Variants in GOLPH3 observed in about 807,000 individuals in gnomAD.
The protein encoded by GOLPH3 is coat protein GPP34.
Under a neutral mutation model 28.5 loss-of-function variants are expected in GOLPH3, and 14 were observed. That is an observed-to-expected ratio of 0.49 (90% CI 0.32 to 0.77). The LOEUF is 0.77. GOLPH3 is among the 30% of genes least tolerant of loss of function. The pLI, the probability that GOLPH3 is intolerant of heterozygous loss-of-function variation, is 0.03. For missense variants in GOLPH3, 350 were observed against 393.7 expected, an observed-to-expected ratio of 0.89 and a Z score of 0.94; for synonymous variants, 158 against 159.2, an observed-to-expected ratio of 0.99 and a Z score of 0.06.
rs116395206 is a variant in GOLPH3, at chr5:32,135,374, T to G, written c.472+198A>C. On this transcript the variant is annotated intron_variant, in intron 3 of 3. Coordinates refer to ENST00000265070, the MANE Select transcript of GOLPH3 (RefSeq NM_022130.4). ...CTCTAAGAGTATTATCTTCGCATTC[T>G]ATATCTGTTCAGTATTGTTAAAGAG... 3.1e-3 allele frequency among the ~76,000 whole-genome samples: 474 copies of G among 152,366 alleles called. 1 individual carries two copies. Among genetic ancestry groups the G allele is most frequent in the African/African-American group, 0.011 (446 of 41,586 alleles).
At chr5:32,167,056 G>A (rs1394451312) in intron 1 of GOLPH3, among the ~76,000 whole-genome samples, 1 of 152,058 alleles carries the variant, frequency 6.6e-6, no homozygotes, top group Non-Finnish European at 1.5e-5. Context: ...GATGCCTCCA[G>A]GGTATTTAAG....
At chr5:32,159,776 C>G (rs533554763) in intron 1 of GOLPH3, among the ~76,000 whole-genome samples, 1 of 152,190 alleles carries the variant, frequency 6.6e-6, no homozygotes, top group African/African-American at 2.4e-5. Context: ...AATATCATCA[C>G]CTTTTTACAT....
rs564112540 is a variant in GOLPH3, at chr5:32,135,984, G to A, written c.358-298C>T. ...GAAGCCAGGAATTCGATACCAGCCC[G>A]GCCCACATGGCAAAACCCTGTCTCT... On this transcript the variant is annotated intron_variant, in intron 2 of 3. Transcript: ENST00000265070. Among the ~76,000 whole-genome samples the A allele has an allele frequency of 2.6e-5, 4 of 152,176 alleles. No homozygotes were observed. The South Asian group carries it at 6.2e-4, about 24-fold the overall frequency.
chr5:32,163,640 T>C (rs1746643116), intron 1 of GOLPH3, among the ~76,000 whole-genome samples: 1 of 151,502 alleles, frequency 6.6e-6, no homozygotes, highest in Non-Finnish European at 1.5e-5. Flanking sequence ...CGACAGAGCA[T>C]GACTTGGTCT....
At chr5:32,127,092 G>A (rs754666974) in intron 3 of GOLPH3, among the ~76,000 whole-genome samples, 12 of 152,210 alleles carry the variant, frequency 7.9e-5, no homozygotes, top group Non-Finnish European at 1.8e-4. Context: ...AGGAAAGCCT[G>A]TTTAGGCCAT....
chr5:32,161,245 A>T (rs1408275970), intron 1 of GOLPH3, among the ~76,000 whole-genome samples: 1 of 150,548 alleles, frequency 6.6e-6, no homozygotes, highest in Non-Finnish European at 1.5e-5. Flanking sequence ...TCTACAAAAA[A>T]TACAAAAAGT....
At chr5:32,158,680 C>T (rs1581553763) in intron 1 of GOLPH3, among the ~76,000 whole-genome samples, 1 of 152,274 alleles carries the variant, frequency 6.6e-6, no homozygotes, top group East Asian at 1.9e-4. Context: ...ATTCCTCCAA[C>T]GGAGTGCTCT....
chr5:32,135,572 C>T lies in GOLPH3; in HGVS notation c.472G>A (p.Gly158Ser), dbSNP rs775115900. 1 of 1,582,010 alleles carries T rather than the reference C, an allele frequency of 6.3e-7. No homozygotes were observed. The highest frequency in any genetic ancestry group is 2.2e-5 in the East Asian group (1 of 44,738). ...TVQNWIELLS[G>S]ETWNPLKLHY... ...TTTTGGTTTATTCACAGCAGCTTAC[C>T]ACTAAGTAATTCAATCCAGTTCTGG... Residue 158 changes from glycine to serine, a missense_variant and splice_region_variant, in exon 3 of 4, where the codon GGT (glycine) becomes AGT (serine). Gly to Ser is a moderately conservative substitution (Grantham distance 56). Coordinates refer to ENST00000265070, the MANE Select transcript of GOLPH3 (RefSeq NM_022130.4).
chr5:32,150,062 G>A (rs1746270966), intron 1 of GOLPH3, among the ~76,000 whole-genome samples: 1 of 151,526 alleles, frequency 6.6e-6, no homozygotes, highest in Admixed American at 6.6e-5. Flanking sequence ...AAGAGTAAAT[G>A]GAAAAATTAC....
intron 1 of GOLPH3, 63 bp downstream of exon 1, chr5:32,173,747 T>C (rs1746906190): frequency 4.2e-6 from 5 of 1,204,720 alleles, no homozygotes; most frequent in Non-Finnish European, 5.3e-6. Flanking sequence ...GGCACCTACC[T>C]GGAGCTCACC....
At chr5:32,148,023 G>A (rs1746215739) in intron 1 of GOLPH3, among the ~76,000 whole-genome samples, 1 of 152,132 alleles carries the variant, frequency 6.6e-6, no homozygotes, top group South Asian at 2.1e-4. Flanking sequence ...AATGGAATGG[G>A]GATGGAGGAC....
chr5:32,150,710 C>T (rs1212682373), intron 1 of GOLPH3, among the ~76,000 whole-genome samples: 1 of 151,856 alleles, frequency 6.6e-6, no homozygotes, highest in Non-Finnish European at 1.5e-5. Context: ...TGCATTATAC[C>T]CAAATCCGAA....
intron 1 of GOLPH3, among the ~76,000 whole-genome samples, chr5:32,168,809 C>A (rs1746769674): frequency 6.6e-6 from 1 of 152,160 alleles, no homozygotes; most frequent in South Asian, 2.1e-4. Context: ...TAATATGCTT[C>A]AAGAGTGCAT....
At position 32,169,813 on chromosome 5, in the gene GOLPH3, G is replaced by C. The variant is rs533714347; in HGVS notation, c.225+3997C>G. Among the ~76,000 whole-genome samples, 70 of 152,168 alleles carry C rather than the reference G, an allele frequency of 4.6e-4. 2 individuals are homozygous for C. Among genetic ancestry groups the C allele is most frequent in the Non-Finnish European group, 3.2e-4 (22 of 68,000 alleles). On this transcript the variant is annotated intron_variant, in intron 1 of 3. Coordinates refer to ENST00000265070, the MANE Select transcript of GOLPH3 (RefSeq NM_022130.4). ...TAAACTATCTGCCATCCTTACTGTG[G>C]TCTTTAAAGAGTTACTTAAATACTT... is the stretch of plus-strand genomic sequence containing the variant.
chr5:32,150,846 GA>G (rs1362952684), intron 1 of GOLPH3, among the ~76,000 whole-genome samples: 1 of 152,020 alleles, frequency 6.6e-6, no homozygotes, highest in Non-Finnish European at 1.5e-5. Context: ...ATCTGTACAC[GA>G]TAAAAATGTC....
rs751331363 is a variant in GOLPH3 at position 32,173,947 on chromosome 5, C to T, written c.88G>A (p.Gly30Ser). The T allele has an allele frequency of 1.3e-5, 19 of 1,466,298 alleles. No homozygotes were observed. Among genetic ancestry groups the T allele is most frequent in the Admixed American group, 4.9e-5 (2 of 40,712 alleles). 90.8% of individuals were successfully genotyped at this position (1,466,298 alleles called of 1,614,324 possible). Residue 30 changes from glycine (G) to serine (S), a missense_variant, in exon 1 of 4, where the codon GGC becomes AGC. By Grantham distance (56) the Gly-to-Ser change is moderately conservative. Coordinates refer to ENST00000265070, the MANE Select transcript of GOLPH3 (RefSeq NM_022130.4). ...TCCTCGCTGCTGCCGGCGCCGCCGC[C>T]CGCCGCCCGCTCCTTGTCGGCGGCG... ...RNAADKERAAGGGAGSSEDDA... is the reference protein window; with the variant it reads ...RNAADKERAASGGAGSSEDDA...
At chr5:32,158,505 C>T (rs1444912407) in intron 1 of GOLPH3, among the ~76,000 whole-genome samples, 1 of 152,236 alleles carries the variant, frequency 6.6e-6, no homozygotes, top group Admixed American at 6.5e-5. Context: ...AAGAGACAGA[C>T]CCGGACCAAC....
chr5:32,134,990 T>A (rs1242372588), intron 3 of GOLPH3, among the ~76,000 whole-genome samples: 1 of 152,232 alleles, frequency 6.6e-6, no homozygotes, highest in Non-Finnish European at 1.5e-5. Flanking sequence ...ACTTTTCACG[T>A]TCTCCTCCCT....
chr5:32,148,689 C>T (rs1388073340), intron 1 of GOLPH3, among the ~76,000 whole-genome samples: 11 of 151,784 alleles, frequency 7.2e-5, no homozygotes, highest in Non-Finnish European at 1.3e-4. Context: ...CCCAGCTACT[C>T]GGGAGGCTGA....
Sources: allele counts gnomAD v4.1 joint callset (sites outside exome capture counted in the v4.1 genomes callset), GRCh38; gene constraint gnomAD v4.1.1; transcripts MANE v1.5; gene names NCBI Gene and HGNC (gene_info 2026-07-23, HGNC 2026-07-21).